The following RMND5A variants were observed in gnomAD, a reference collection of about 807,000 sequenced individuals.
RMND5A encodes E3 ubiquitin-protein transferase RMND5A.
Under a neutral mutation model 49.7 loss-of-function variants are expected in RMND5A, and 17 were observed. The ratio of observed to expected loss-of-function variants is 0.34; its 90% CI spans 0.23 to 0.51. RMND5A has a LOEUF of 0.51. Ranked by LOEUF, RMND5A falls within the 20% of genes least tolerant of loss-of-function variation. The probability of loss-of-function intolerance (pLI) is 0.96; values close to 1 mark genes in which losing one functional copy is unlikely to be tolerated. For synonymous variants in RMND5A, 156 were observed against 167.7 expected (o/e 0.93, Z 0.54); for missense variants, 255 against 471.3 (o/e 0.54, Z 4.25).
intron 1 of RMND5A, 130 bp downstream of exon 1, chr2:86,720,939 C>T (rs1558717098): frequency 2.7e-6 from 2 of 734,482 alleles, no homozygotes; most frequent in Non-Finnish European, 4.1e-6. Context: ...GGCGCGGAGG[C>T]CCCCAGACCC....
chr2:86,760,929 T>C (rs762242413), intron 4 of RMND5A, among the ~76,000 whole-genome samples: 3 of 151,626 alleles, frequency 2.0e-5, no homozygotes, highest in Non-Finnish European at 4.4e-5. Flanking sequence ...GTGGTTTAGA[T>C]GGAACATTTA....
chr2:86,757,660 G>A (rs537836831), intron 4 of RMND5A, among the ~76,000 whole-genome samples: 4 of 152,194 alleles, frequency 2.6e-5, no homozygotes, highest in Non-Finnish European at 5.9e-5. Flanking sequence ...ACTATCTTTA[G>A]GGGAAGCTAC....
At chr2:86,766,332 A>G (rs1319023282) in intron 6 of RMND5A, among the ~76,000 whole-genome samples, 1 of 152,104 alleles carries the variant, frequency 6.6e-6, no homozygotes, top group Non-Finnish European at 1.5e-5. Flanking sequence ...CGGTGGTACA[A>G]ACTCCACGAA....
At chr2:86,751,871 T>A (rs754097991) in intron 2 of RMND5A, 25 bp from the exon 3 acceptor site, 1 of 1,605,926 alleles carries the variant, frequency 6.2e-7, no homozygotes, top group Non-Finnish European at 8.5e-7. Flanking sequence ...CTATTTATGA[T>A]TCCCTTTCTC....
intron 4 of RMND5A, 125 bp downstream of exon 4, chr2:86,753,683 AAGG>A: frequency 2.0e-6 from 1 of 498,982 alleles, no homozygotes; most frequent in Non-Finnish European, 3.5e-6. Context: ...AGAGAAATCA[AAGG>A]AGAATTATTT....
chr2:86,757,582 A>T (rs1458684915), intron 4 of RMND5A, among the ~76,000 whole-genome samples: 1 of 152,114 alleles, frequency 6.6e-6, no homozygotes, highest in Non-Finnish European at 1.5e-5. Flanking sequence ...GAGGTGGGGG[A>T]AATATTAGAA....
chr2:86,758,931 C>T (rs1449515644), intron 4 of RMND5A, among the ~76,000 whole-genome samples: 1 of 152,142 alleles, frequency 6.6e-6, no homozygotes, highest in Non-Finnish European at 1.5e-5. Context: ...CAGGTCCACA[C>T]CTGTGGAGTA....
intron 1 of RMND5A, among the ~76,000 whole-genome samples, chr2:86,729,822 G>A (rs1253881405): frequency 2.2e-5 from 1 of 45,648 alleles, no homozygotes; most frequent in Non-Finnish European, 4.2e-5. Flanking sequence ...TAGTAGACTG[G>A]GAAGATATTG....
rs184807137 is a variant in RMND5A at position 86,770,273 on chromosome 2, A to C, written c.957+148A>C. 273 of 647,138 alleles carry C rather than the reference A, an allele frequency of 4.2e-4. No individual in the cohort carries two copies. The African/African-American group carries it at 4.7e-3, about 11-fold the overall frequency. 40.1% of individuals were successfully genotyped at this position (647,138 alleles called of 1,614,324 possible). On this transcript the variant is annotated intron_variant, in intron 7 of 8. Transcript: ENST00000283632. ...GGATATATAAAAGATTAAACAATACAAATGAAGAGCCTAGTACATTTTGGG... is the reference window on the plus strand; with the variant it reads ...GGATATATAAAAGATTAAACAATACCAATGAAGAGCCTAGTACATTTTGGG...
intron 2 of RMND5A, 118 bp from the exon 3 acceptor site, chr2:86,751,778 A>C: frequency 1.2e-6 from 1 of 862,830 alleles, no homozygotes; most frequent in Non-Finnish European, 1.7e-6. Context: ...TTGGGACGCT[A>C]TAAATTGCAG....
At position 86,720,623 on chromosome 2, in the gene RMND5A, T is replaced by C; in HGVS notation, c.-45T>C. 2 of 1,499,796 alleles carry C rather than the reference T, an allele frequency of 1.3e-6. No individual in the cohort carries two copies. The highest frequency in any genetic ancestry group is 8.9e-7 in the Non-Finnish European group (1 of 1,126,728). 92.9% of individuals were successfully genotyped at this position (1,499,796 alleles called of 1,614,324 possible). A position where few individuals can be genotyped will look rare whatever the true frequency, so the allele number is the denominator to read the frequency against. On this transcript the variant is annotated 5_prime_UTR_variant, in exon 1 of 9. Transcript: ENST00000283632. Reference sequence around the variant, plus strand: ...CTCGGTGGGGCCCGGGCCGAACGGCTGCGGACACCTGGGCGCCGAGGAGCC... The same window carrying C: ...CTCGGTGGGGCCCGGGCCGAACGGCCGCGGACACCTGGGCGCCGAGGAGCC...
At chr2:86,772,667 T>C (rs1276748193) in intron 8 of RMND5A, among the ~76,000 whole-genome samples, 2 of 151,744 alleles carry the variant, frequency 1.3e-5, no homozygotes, top group East Asian at 2.0e-4. Context: ...CTGTCTCAGC[T>C]CACTGCAACC....
chr2:86,720,845 C>T (rs1266690602), intron 1 of RMND5A, 36 bp downstream of exon 1: 1 of 1,538,146 alleles, frequency 6.5e-7, no homozygotes, highest in Non-Finnish European at 8.7e-7. Flanking sequence ...GGGCATGGCC[C>T]ACTGCCCGAG....
chr2:86,756,991 T>G (rs1196496883), intron 4 of RMND5A, among the ~76,000 whole-genome samples: 1 of 152,000 alleles, frequency 6.6e-6, no homozygotes, highest in African/African-American at 2.4e-5. Flanking sequence ...CTGACCAACG[T>G]GGAGAAACCC....
At position 86,759,108 on chromosome 2, in the gene RMND5A, A is replaced by G. The variant is rs1392653966; in HGVS notation, c.521+5550A>G. Among the ~76,000 whole-genome samples the G allele has an allele frequency of 3.3e-5, 5 of 152,326 alleles. No homozygotes were observed. In the East Asian group the frequency reaches 7.7e-4, roughly 23 times the overall value. ...GGCTTTTTTTCCCTAGTATTACTAGAAATAGACACCCACCCAGGCTGGCAA... is the reference window on the plus strand; with the variant it reads ...GGCTTTTTTTCCCTAGTATTACTAGGAATAGACACCCACCCAGGCTGGCAA... On this transcript the variant is annotated intron_variant, in intron 4 of 8. Coordinates refer to ENST00000283632, the MANE Select transcript of RMND5A (RefSeq NM_022780.4).
rs1181197260 is a variant in RMND5A at position 86,732,728 on chromosome 2, A to G, written c.143-8199A>G. On this transcript the variant is annotated intron_variant, in intron 1 of 8. Coordinates refer to ENST00000283632, the MANE Select transcript of RMND5A (RefSeq NM_022780.4). Reference sequence around the variant, plus strand: ...CATTGCATCTTTGACAAATGTGGAAATAGTTTTGTAAAAAAGAAACTGTCT... The same window carrying G: ...CATTGCATCTTTGACAAATGTGGAAGTAGTTTTGTAAAAAAGAAACTGTCT... Among the ~76,000 whole-genome samples the G allele has an allele frequency of 2.1e-5, 3 of 143,786 alleles. 1 individual carries two copies. The highest frequency in any genetic ancestry group is 6.8e-5 in the Admixed American group (1 of 14,630). 94.3% of individuals were successfully genotyped at this position (143,786 alleles called of 152,430 possible).
At chr2:86,766,625 T>C (rs867194844) in intron 6 of RMND5A, among the ~76,000 whole-genome samples, 5 of 145,100 alleles carry the variant, frequency 3.4e-5, no homozygotes, top group South Asian at 2.2e-4. Flanking sequence ...GATTGCACCA[T>C]TGCACTCCAG....
intron 8 of RMND5A, 127 bp from the exon 9 acceptor site, chr2:86,773,221 A>G (rs944699544): frequency 8.3e-6 from 4 of 480,584 alleles, no homozygotes; most frequent in African/African-American, 2.0e-5. Context: ...GCAAAATACA[A>G]ACAGACTTGT....
At chr2:86,760,514 C>T (rs375218585) in intron 4 of RMND5A, among the ~76,000 whole-genome samples, 8 of 152,224 alleles carry the variant, frequency 5.3e-5, no homozygotes, top group South Asian at 4.1e-4. Context: ...GACTTCTCTG[C>T]CAGCTCTTCA....
Sources: allele counts gnomAD v4.1 joint callset (sites outside exome capture counted in the v4.1 genomes callset), GRCh38; gene constraint gnomAD v4.1.1; transcripts MANE v1.5; gene names NCBI Gene and HGNC (gene_info 2026-07-23, HGNC 2026-07-21).